ARIH1: variants seen among roughly 807,000 people sequenced by gnomAD.
The protein encoded by ARIH1 is ariadne RBR E3 ubiquitin protein ligase 1, also known as E3 ubiquitin-protein ligase ARIH1.
A neutral mutation model predicts 85.0 loss-of-function variants in ARIH1; 8 were observed. The observed-to-expected ratio is 0.09, with a 90% CI of 0.06 to 0.17. ARIH1 has a LOEUF of 0.17. Ranked by LOEUF, ARIH1 falls within the 10% of genes least tolerant of loss-of-function variation. The probability of loss-of-function intolerance (pLI) is 1.00; values close to 1 mark genes in which losing one functional copy is unlikely to be tolerated. For missense variants in ARIH1, 311 were observed against 718.1 expected (o/e 0.43, Z 6.48); for synonymous variants, 238 against 253.6 (o/e 0.94, Z 0.59).
intron 1 of ARIH1, chr15:72,496,755 C>T (rs1341170046): frequency 8.3e-6 from 8 of 968,918 alleles, no homozygotes; most frequent in East Asian, 1.1e-4. Flanking sequence ...GCCTTTGCCG[C>T]TGTGGCCCAT....
chr15:72,547,359 A>G (rs1178163054), intron 3 of ARIH1, among the ~76,000 whole-genome samples: 1 of 151,388 alleles, frequency 6.6e-6, no homozygotes, highest in African/African-American at 2.4e-5. Flanking sequence ...CAGCCTCCCG[A>G]GTAGCTGGGA....
At chr15:72,558,582 G>A (rs2064184864) in intron 5 of ARIH1, among the ~76,000 whole-genome samples, 1 of 152,218 alleles carries the variant, frequency 6.6e-6, no homozygotes, top group Admixed American at 6.5e-5. Flanking sequence ...GATTACAGGC[G>A]TGAGCCACCA....
At chr15:72,504,113 G>A (rs559450902) in intron 1 of ARIH1, among the ~76,000 whole-genome samples, 2 of 152,296 alleles carry the variant, frequency 1.3e-5, no homozygotes, top group South Asian at 4.1e-4. Flanking sequence ...GGAGTGCAGT[G>A]GCACGATCTT....
chr15:72,580,086 C>G (rs1045772740), intron 11 of ARIH1, among the ~76,000 whole-genome samples: 1 of 152,186 alleles, frequency 6.6e-6, no homozygotes, highest in African/African-American at 2.4e-5. Flanking sequence ...TCCCTCCCTT[C>G]CTACCCCTCT....
In ARIH1 at chr15:72,589,154, A is replaced by C. The variant is rs1359378552; in HGVS notation, c.*5862A>C. 6.6e-6 allele frequency: 1 copy of C among 152,174 alleles called. No homozygotes were observed. The highest frequency in any genetic ancestry group is 1.5e-5 in the Non-Finnish European group (1 of 68,038). 9.4% of individuals were successfully genotyped at this position (152,174 alleles called of 1,614,324 possible). A position where few individuals can be genotyped will look rare whatever the true frequency, so the allele number is the denominator to read the frequency against. On this transcript the variant is annotated 3_prime_UTR_variant, in exon 14 of 14. Coordinates refer to ENST00000379887, the MANE Select transcript of ARIH1 (RefSeq NM_005744.5). The stretch of plus-strand genomic sequence containing the variant: ...TTGTCTGTATCTTCCAAGCAGCCCT[A>C]AAGCAAAATGGGCATTGTTACCCTA...
At chr15:72,546,922 C>G (rs938069127) in intron 3 of ARIH1, among the ~76,000 whole-genome samples, 1 of 58,758 alleles carries the variant, frequency 1.7e-5, no homozygotes, top group Non-Finnish European at 4.3e-5. Context: ...CTTTTCTTTT[C>G]TTTTTTTTTG....
chr15:72,515,586 T>G (rs1162644758), intron 1 of ARIH1, among the ~76,000 whole-genome samples: 1 of 152,218 alleles, frequency 6.6e-6, no homozygotes, highest in Non-Finnish European at 1.5e-5. Flanking sequence ...TTTGTTTTAG[T>G]AGACAAATTG....
rs2064387161 is a variant in ARIH1 at position 72,602,970 on chromosome 15, TATATC to T, written c.*19680_*19684del. 6.6e-6 allele frequency: 1 copy of T among 152,214 alleles called. No homozygotes were observed. Among genetic ancestry groups the T allele is most frequent in the Non-Finnish European group, 1.5e-5 (1 of 68,042 alleles). The allele number at this position is 152,214 out of a possible 1,614,324, so 9.4% of individuals were successfully genotyped here. A position where few individuals can be genotyped will look rare whatever the true frequency, so the allele number is the denominator to read the frequency against. On this transcript the variant is annotated 3_prime_UTR_variant, in exon 14 of 14. Coordinates refer to ENST00000379887, the MANE Select transcript of ARIH1 (RefSeq NM_005744.5). Reference sequence around the variant, plus strand: ...TATGGCAAACATTTTTTTCCAGAAATATATCAGATAAAATGAACATGTGGTCCCTT... The same window carrying T: ...TATGGCAAACATTTTTTTCCAGAAATAGATAAAATGAACATGTGGTCCCTT...
intron 1 of ARIH1, among the ~76,000 whole-genome samples, chr15:72,480,180 A>C (rs1211396911): frequency 6.6e-6 from 1 of 151,604 alleles, no homozygotes; most frequent in Non-Finnish European, 1.5e-5. Context: ...ACAGTGTACT[A>C]TTCTAGCATA....
chr15:72,537,757 G>T (rs1363372834), intron 2 of ARIH1, among the ~76,000 whole-genome samples: 3 of 152,012 alleles, frequency 2.0e-5, no homozygotes, highest in Non-Finnish European at 4.4e-5. Context: ...CTGGATTTTT[G>T]TTCTTTGTCA....
intron 2 of ARIH1, among the ~76,000 whole-genome samples, chr15:72,518,835 T>C (rs1417541551): frequency 2.6e-5 from 4 of 151,748 alleles, no homozygotes; most frequent in African/African-American, 9.7e-5. Flanking sequence ...TAACCTGTTA[T>C]TAGTAGCATT....
intron 1 of ARIH1, chr15:72,496,918 AC>A: frequency 2.2e-6 from 2 of 909,814 alleles, no homozygotes; most frequent in South Asian, 5.1e-5. Context: ...ACATACTTAC[AC>A]ACAGACATTG....
intron 2 of ARIH1, among the ~76,000 whole-genome samples, chr15:72,529,799 A>G (rs1475067659): frequency 6.6e-6 from 1 of 152,186 alleles, no homozygotes; most frequent in Admixed American, 6.5e-5. Flanking sequence ...TATATGTTGA[A>G]CAATTATGAG....
At chr15:72,478,064 C>T (rs1243180554) in intron 1 of ARIH1, among the ~76,000 whole-genome samples, 1 of 152,150 alleles carries the variant, frequency 6.6e-6, no homozygotes, top group Admixed American at 6.5e-5. Flanking sequence ...TCTCGGCCTC[C>T]CAAAGTGCTG....
At chr15:72,576,653 G>C (rs1295121161) in intron 11 of ARIH1, among the ~76,000 whole-genome samples, 1 of 151,696 alleles carries the variant, frequency 6.6e-6, no homozygotes, top group East Asian at 1.9e-4. Context: ...AATGGTAGAG[G>C]CCTCATATGA....
rs574899473 is a variant in ARIH1, at chr15:72,490,361, C to T, written c.375+15347C>T. 7.2e-5 allele frequency among the ~76,000 whole-genome samples: 11 copies of T among 152,216 alleles called. No homozygotes were observed. In the South Asian group the frequency reaches 8.3e-4, roughly 11 times the overall value. ...GTGAACTGGGCAGCACAGCAGGAGGCGAGCAGCCAGGGAGCGTTACCACCT... is the reference window on the plus strand; with the variant it reads ...GTGAACTGGGCAGCACAGCAGGAGGTGAGCAGCCAGGGAGCGTTACCACCT... On this transcript the variant is annotated intron_variant, in intron 1 of 13. Transcript: ENST00000379887.
intron 2 of ARIH1, among the ~76,000 whole-genome samples, chr15:72,521,755 G>A (rs142916886): frequency 0.017 from 2,597 of 151,890 alleles, 60 homozygotes; most frequent in African/African-American, 0.059. Flanking sequence ...CACCATGTTG[G>A]CCAGGCTGGT....
intron 11 of ARIH1, among the ~76,000 whole-genome samples, chr15:72,575,880 A>G (rs1274481880): frequency 1.3e-5 from 2 of 152,026 alleles, no homozygotes; most frequent in Admixed American, 1.3e-4. Flanking sequence ...TTGTTTTTTC[A>G]TTGAGATGAG....
chr15:72,556,744 C>CT (rs1231207303), intron 5 of ARIH1, among the ~76,000 whole-genome samples: 1 of 152,162 alleles, frequency 6.6e-6, no homozygotes, highest in African/African-American at 2.4e-5. Flanking sequence ...AGTCCCCAGT[C>CT]TAAATAGTCT....
Sources: gnomAD v4.1 joint callset for allele counts (sites outside exome capture counted in the v4.1 genomes callset) on GRCh38, gnomAD v4.1.1 for gene constraint, MANE v1.5 for transcripts, NCBI Gene and HGNC (gene_info 2026-07-23, HGNC 2026-07-21) for gene names.